The following ACTR3C variants were observed in gnomAD, a reference collection of about 807,000 sequenced individuals.
ACTR3C encodes the protein actin related protein 3C, also known as actin-related protein 3C.
A neutral mutation model predicts 26.3 loss-of-function variants in ACTR3C; 18 were observed. That is an observed-to-expected ratio of 0.68 (90% CI 0.47 to 1.01). The LOEUF (loss-of-function observed/expected upper bound fraction) is 1.01. Among genes scored for constraint, ACTR3C ranks in the 50% least tolerant of loss-of-function variants. The pLI is 0.00. For synonymous variants in ACTR3C, 55 were observed against 94.5 expected, an observed-to-expected ratio of 0.58 and a Z score of 2.42; for missense variants, 184 against 250.7, an observed-to-expected ratio of 0.73 and a Z score of 1.80.
At chr7:150,233,078 T>C in the ACTR3C span, among the ~76,000 whole-genome samples, 1 of 152,178 alleles carries the variant, frequency 6.6e-6, no homozygotes, top group African/African-American at 2.4e-5. Context: ...GTTACGCAGA[T>C]TTGAGTTTCT....
chr7:150,109,684 A>G, the ACTR3C span, among the ~76,000 whole-genome samples: 1 of 150,454 alleles, frequency 6.6e-6, no homozygotes, highest in Admixed American at 6.6e-5. Context: ...GACTATGGGT[A>G]CCACTGCACA....
intron 6 of ACTR3C, among the ~76,000 whole-genome samples, chr7:150,250,402 A>G (rs1443378992): frequency 1.3e-5 from 2 of 151,488 alleles, no homozygotes; most frequent in Non-Finnish European, 2.9e-5. Flanking sequence ...ACGGGGTTTC[A>G]CCGTGTTAGC....
chr7:150,118,494 G>A, the ACTR3C span, among the ~76,000 whole-genome samples: 1 of 148,616 alleles, frequency 6.7e-6, no homozygotes, highest in Admixed American at 6.7e-5. Context: ...AGAGATTGAA[G>A]ATCAACTTAA....
At chr7:149,881,646 A>AAAT in the ACTR3C span, 1 of 152,730 alleles carries the variant, frequency 6.5e-6, no homozygotes, top group African/African-American at 2.4e-5. Flanking sequence ...CCATCGGCAT[A>AAAT]AATAACCGGT....
chr7:150,166,261 A>G, the ACTR3C span, among the ~76,000 whole-genome samples: 1 of 151,040 alleles, frequency 6.6e-6, no homozygotes, highest in African/African-American at 2.5e-5. Context: ...CTTGAAGTAC[A>G]TGTGATGTTT....
chr7:150,042,621 G>A, the ACTR3C span, among the ~76,000 whole-genome samples: 2 of 151,014 alleles, frequency 1.3e-5, no homozygotes, highest in Non-Finnish European at 2.9e-5. Flanking sequence ...AAGAGCCAGG[G>A]GGTAAGAGGG....
At chr7:149,957,277 C>T in the ACTR3C span, among the ~76,000 whole-genome samples, 8 of 152,220 alleles carry the variant, frequency 5.3e-5, no homozygotes, top group African/African-American at 1.9e-4. Flanking sequence ...AGCAGACACT[C>T]GGCCACCTTC....
the ACTR3C span, among the ~76,000 whole-genome samples, chr7:150,222,343 C>T: frequency 1.3e-5 from 2 of 152,186 alleles, no homozygotes; most frequent in African/African-American, 2.4e-5. Context: ...TTTATTCTTA[C>T]ATTTGTAAGG....
the ACTR3C span, among the ~76,000 whole-genome samples, chr7:149,898,426 C>T: frequency 6.6e-6 from 1 of 152,164 alleles, no homozygotes; most frequent in African/African-American, 2.4e-5. Context: ...GTAAAGATAG[C>T]CGGGCGCAGT....
At chr7:149,994,166 T>G in the ACTR3C span, among the ~76,000 whole-genome samples, 3 of 152,166 alleles carry the variant, frequency 2.0e-5, no homozygotes, top group African/African-American at 4.8e-5. Context: ...ATCCTAAGGA[T>G]GATACTAAAA....
At chr7:149,961,601 C>T in the ACTR3C span, among the ~76,000 whole-genome samples, 1 of 151,758 alleles carries the variant, frequency 6.6e-6, no homozygotes, top group African/African-American at 2.4e-5. Flanking sequence ...TGTGTGCTCA[C>T]AGGAAGTATA....
the ACTR3C span, among the ~76,000 whole-genome samples, chr7:149,923,880 C>A: frequency 6.6e-6 from 1 of 151,878 alleles, no homozygotes; most frequent in South Asian, 2.1e-4. Flanking sequence ...TGCCTATAAT[C>A]CCAGCTCCTC....
the ACTR3C span, among the ~76,000 whole-genome samples, chr7:149,997,498 C>T: frequency 6.6e-6 from 1 of 152,040 alleles, no homozygotes; most frequent in African/African-American, 2.4e-5. Context: ...AAGAGAGTGT[C>T]TGGTGCCTGG....
the ACTR3C span, among the ~76,000 whole-genome samples, chr7:150,150,221 T>C: frequency 3.3e-5 from 5 of 152,328 alleles, no homozygotes; most frequent in South Asian, 1.0e-3. Context: ...TGGTGAGCAG[T>C]GGAAGCTAGA....
chr7:150,210,166 C>T, the ACTR3C span, among the ~76,000 whole-genome samples: 8 of 151,392 alleles, frequency 5.3e-5, no homozygotes, highest in African/African-American at 1.9e-4. Flanking sequence ...TTAAACTGCA[C>T]CAATATGCCA....
At chr7:150,035,539 C>G in the ACTR3C span, among the ~76,000 whole-genome samples, 1 of 128,662 alleles carries the variant, frequency 7.8e-6, no homozygotes, top group African/African-American at 3.0e-5. Context: ...GGTGCCTCCC[C>G]CTCCTGCGAT....
the ACTR3C span, among the ~76,000 whole-genome samples, chr7:150,090,875 T>C: frequency 6.6e-6 from 1 of 152,200 alleles, no homozygotes; most frequent in Non-Finnish European, 1.5e-5. Context: ...CTTTTCATGG[T>C]TGAGGGGCTG....
At chr7:150,302,704 C>A (rs1299444814) in intron 1 of ACTR3C, 2 of 152,176 alleles carry the variant, frequency 1.3e-5, no homozygotes, top group Non-Finnish European at 1.5e-5. Flanking sequence ...ACCACACTTA[C>A]AATTCTACTG....
the ACTR3C span, among the ~76,000 whole-genome samples, chr7:149,978,630 T>C: frequency 0.012 from 1,764 of 152,228 alleles, 17 homozygotes; most frequent in African/African-American, 0.039. Flanking sequence ...CTTGACTACA[T>C]GACATGCAGC....
Sources: allele counts gnomAD v4.1 joint callset (sites outside exome capture counted in the v4.1 genomes callset), GRCh38; gene constraint gnomAD v4.1.1; transcripts MANE v1.5; gene names NCBI Gene and HGNC (gene_info 2026-07-23, HGNC 2026-07-21).